Variants in CC2D2A observed in about 807,000 individuals in gnomAD.
The protein encoded by CC2D2A is coiled-coil and C2 domain containing 2A.
Under a neutral mutation model 212.9 loss-of-function variants are expected in CC2D2A, and 155 were observed. The ratio of observed to expected loss-of-function variants is 0.73; its 90% confidence interval spans 0.64 to 0.83. The LOEUF is 0.83. Among genes scored for constraint, CC2D2A ranks in the 40% least tolerant of loss-of-function variants. The pLI, the probability that CC2D2A is intolerant of heterozygous loss-of-function variation, is 0.00. For synonymous variants in CC2D2A, 667 were observed against 686.5 expected, an observed-to-expected ratio of 0.97 and a Z score of 0.44; for missense variants, 1,856 against 1,956.2, an observed-to-expected ratio of 0.95 and a Z score of 0.97.
intron 35 of CC2D2A, among the ~76,000 whole-genome samples, chr4:15,599,079 T>C (rs995472046): frequency 1.3e-5 from 2 of 152,092 alleles, no homozygotes; most frequent in African/African-American, 4.8e-5. Context: ...GGAGGTTCAC[T>C]TGAGCCCGAG....
At chr4:15,592,699 C>T (rs1278704507) in intron 33 of CC2D2A, among the ~76,000 whole-genome samples, 3 of 152,084 alleles carry the variant, frequency 2.0e-5, no homozygotes, top group Non-Finnish European at 2.9e-5. Flanking sequence ...TCTAGGACCA[C>T]ACCTATTATT....
intron 1 of CC2D2A, among the ~76,000 whole-genome samples, chr4:15,470,687 CTCTATATATATATA>C (rs1258268139): frequency 1.9e-3 from 63 of 32,382 alleles, no homozygotes; most frequent in African/African-American, 5.3e-3. Flanking sequence ...CTCTCTCTCT[CTCTATATATATATA>C]TATATATATA....
chr4:15,479,786 G>A (rs1714508192), intron 3 of CC2D2A, among the ~76,000 whole-genome samples: 2 of 152,316 alleles, frequency 1.3e-5, no homozygotes, highest in South Asian at 4.1e-4. Flanking sequence ...TAGATGAAAA[G>A]GGTTCAAGCC....
At chr4:15,571,795 C>A (rs1473257161) in intron 28 of CC2D2A, among the ~76,000 whole-genome samples, 1 of 152,122 alleles carries the variant, frequency 6.6e-6, no homozygotes, top group Non-Finnish European at 1.5e-5. Context: ...AATTCAAGAG[C>A]ACATTATTTT....
At chr4:15,487,983 G>T (rs1715097242) in intron 4 of CC2D2A, among the ~76,000 whole-genome samples, 1 of 151,514 alleles carries the variant, frequency 6.6e-6, no homozygotes. Context: ...ATTTTTTGTT[G>T]TCTCTACTTA....
intron 1 of CC2D2A, 103 bp from the exon 2 acceptor site, chr4:15,475,812 A>T: frequency 1.1e-6 from 1 of 935,938 alleles, no homozygotes; most frequent in Non-Finnish European, 1.7e-6. Flanking sequence ...CCCAGCTCAA[A>T]CACTTCACTT....
intron 29 of CC2D2A, 141 bp downstream of exon 29, chr4:15,574,467 G>T: frequency 1.5e-6 from 1 of 649,852 alleles, no homozygotes; most frequent in Non-Finnish European, 2.4e-6. Context: ...TTTCAGTTTA[G>T]ATAGAATGGT....
At chr4:15,492,715 C>G in intron 4 of CC2D2A, 1 of 794,002 alleles carries the variant, frequency 1.3e-6, no homozygotes, top group Non-Finnish European at 2.1e-6. Flanking sequence ...TCTGGTGGTC[C>G]AGGGGTCTTA....
At chr4:15,516,161 GTACATT>G (rs1716861961) in intron 10 of CC2D2A, among the ~76,000 whole-genome samples, 157 bp downstream of exon 10, 2 of 151,166 alleles carry the variant, frequency 1.3e-5, no homozygotes, top group South Asian at 4.2e-4. Context: ...TTCTCTCTCA[GTACATT>G]TATTGATCCT....
At chr4:15,477,620 T>C (rs1714313741) in intron 2 of CC2D2A, among the ~76,000 whole-genome samples, 1 of 152,188 alleles carries the variant, frequency 6.6e-6, no homozygotes, top group South Asian at 2.1e-4. Context: ...TATCTTCTTG[T>C]AATCTAAGTT....
chr4:15,578,878 G>T (rs1289893901), intron 29 of CC2D2A, among the ~76,000 whole-genome samples: 1 of 151,882 alleles, frequency 6.6e-6, no homozygotes, highest in Admixed American at 6.6e-5. Flanking sequence ...CTGAGCTCAG[G>T]TGATCCTCTT....
chr4:15,526,688 G>A (rs1717528721), intron 11 of CC2D2A, among the ~76,000 whole-genome samples: 1 of 152,046 alleles, frequency 6.6e-6, no homozygotes, highest in Non-Finnish European at 1.5e-5. Flanking sequence ...TCTTTATAAT[G>A]AGAAAAAATA....
At chr4:15,559,107 T>C in intron 21 of CC2D2A, 58 bp from the exon 22 acceptor site, 3 of 957,530 alleles carry the variant, frequency 3.1e-6, no homozygotes, top group East Asian at 2.7e-5. Context: ...AATAATTACC[T>C]GATCTTAAGA....
Position 15,589,552 on chromosome 4 carries a change from C to T in CC2D2A, c.4187C>T (p.Thr1396Ile), listed in dbSNP as rs765058926. ...ATGGCCATCTTCTTTCAGGGTCCAACTGCCTATGTGCTAACTTGGGAGCAA... is the reference window on the plus strand; with the variant it reads ...ATGGCCATCTTCTTTCAGGGTCCAATTGCCTATGTGCTAACTTGGGAGCAA... ...LMGNAIPEGP[T>I]AYVLTWEQGR... Residue 1396 changes from threonine to isoleucine, a missense_variant, in exon 33 of 37, where the codon ACT becomes ATT. Transcript: ENST00000424120. 6.2e-6 allele frequency: 10 copies of T among 1,611,774 alleles called. No homozygotes were observed. The South Asian group carries it at 1.1e-4, about 18-fold the overall frequency.
chr4:15,523,054 C>A (rs1369694074), intron 11 of CC2D2A, among the ~76,000 whole-genome samples: 1 of 150,736 alleles, frequency 6.6e-6, no homozygotes, highest in East Asian at 2.0e-4. Context: ...GCGAAGGTTG[C>A]AGTGAGCAGA....
intron 11 of CC2D2A, among the ~76,000 whole-genome samples, chr4:15,518,667 T>C (rs900162539): frequency 6.6e-6 from 1 of 152,226 alleles, no homozygotes; most frequent in African/African-American, 2.4e-5. Context: ...TCCATACATC[T>C]AGGCAGAGGT....
chr4:15,520,118 C>T (rs949090050), intron 11 of CC2D2A, among the ~76,000 whole-genome samples: 2 of 152,146 alleles, frequency 1.3e-5, no homozygotes, highest in Non-Finnish European at 2.9e-5. Context: ...CTTTACCTCT[C>T]TGGATATTTT....
At chr4:15,544,135 CTTAAATT>C (rs1718594858) in intron 17 of CC2D2A, among the ~76,000 whole-genome samples, 1 of 152,168 alleles carries the variant, frequency 6.6e-6, no homozygotes. Context: ...AACACATTCA[CTTAAATT>C]TTAAAGTAAG....
chr4:15,489,530 C>T, intron 4 of CC2D2A, among the ~76,000 whole-genome samples: 1 of 152,154 alleles, frequency 6.6e-6, no homozygotes, highest in African/African-American at 2.4e-5. Flanking sequence ...ATGAGGAAAG[C>T]CAAGGCCGCA....
Sources: gnomAD v4.1 joint callset for allele counts (sites outside exome capture counted in the v4.1 genomes callset) on GRCh38, gnomAD v4.1.1 for gene constraint, MANE v1.5 for transcripts, NCBI Gene and HGNC (gene_info 2026-07-23, HGNC 2026-07-21) for gene names.